The following ABCA6 variants were observed in gnomAD, a reference collection of about 807,000 sequenced individuals.
ABCA6 encodes the protein ATP-binding cassette sub-family A member 6.
In ABCA6, 164 loss-of-function variants were observed where a neutral mutation model predicts 191.2. The ratio of observed to expected loss-of-function variants is 0.86; its 90% CI spans 0.76 to 0.98. The LOEUF (loss-of-function observed/expected upper bound fraction) is 0.98, where lower values mean the gene tolerates loss of function less well. Ranked by LOEUF, ABCA6 falls within the 50% of genes least tolerant of loss-of-function variation. ABCA6 has a pLI of 0.00. For synonymous variants in ABCA6, 636 were observed against 647.7 expected (o/e 0.98, Z 0.27); for missense variants, 1,958 against 1,894.1 (o/e 1.03, Z -0.63).
Position 69,079,074 on chromosome 17 carries a change from C to T in ABCA6, c.4753G>A (p.Val1585Ile), listed in dbSNP as rs368862101. The change falls in exon 39 of 39, where the codon GTA becomes ATA. Residue 1585 changes from valine to isoleucine, a missense_variant and splice_region_variant. Physicochemically the swap from Val to Ile is conservative, Grantham distance 29. Transcript: ENST00000284425. ...YSLSQCTLEKVFLELSKEQEV... is the reference protein window; with the variant it reads ...YSLSQCTLEKIFLELSKEQEV... ...TGTTCTTTAGAAAGCTCTAAGAATA[C>T]CTAATTAGGAGACAAAGAAGAAGGA... 1.3e-6 allele frequency: 2 copies of T among 1,595,544 alleles called. No individual in the cohort carries two copies. The highest frequency in any genetic ancestry group is 1.7e-4 in the Middle Eastern group (1 of 5,992).
intron 9 of ABCA6, among the ~76,000 whole-genome samples, chr17:69,124,606 C>A (rs2073714035): frequency 6.6e-6 from 1 of 151,668 alleles, no homozygotes; most frequent in South Asian, 2.1e-4. Context: ...TTTCAGGGAT[C>A]CATGAAAACC....
In ABCA6 at chr17:69,106,173, G is replaced by A. The variant is rs2073299375; in HGVS notation, c.2428C>T (p.Leu810Phe). The A allele has an allele frequency of 1.2e-6, 2 of 1,613,376 alleles. No homozygotes were observed. Among genetic ancestry groups the A allele is most frequent in the East Asian group, 4.5e-5 (2 of 44,856 alleles). Residue 810 changes from leucine to phenylalanine, a missense_variant, in exon 19 of 39, where the codon CTC (leucine) becomes TTC (phenylalanine). By Grantham distance (22) the Leu-to-Phe change is conservative (BLOSUM62 0). Transcript: ENST00000284425. ...QVEMIRDSESLNEMELAHSSF... is the reference protein window; with the variant it reads ...QVEMIRDSESFNEMELAHSSF... ...GAGTGAGCCAGCTCCATTTCATTGA[G>A]GCTTTCTGAGTCTCTTATCATCTCC... is the stretch of plus-strand genomic sequence containing the variant.
intron 26 of ABCA6, among the ~76,000 whole-genome samples, chr17:69,090,911 T>G (rs1045615927): frequency 3.3e-5 from 5 of 152,234 alleles, no homozygotes; most frequent in African/African-American, 1.2e-4. Context: ...TTGCATCTGA[T>G]AAAATTCACT....
chr17:69,136,662 A>T (rs1323178088), intron 3 of ABCA6, among the ~76,000 whole-genome samples: 1 of 152,234 alleles, frequency 6.6e-6, no homozygotes, highest in Non-Finnish European at 1.5e-5. Flanking sequence ...AAGATTTTTT[A>T]AAAGTGACTC....
In ABCA6 at chr17:69,137,165, T is replaced by C. The variant is rs1374468363; in HGVS notation, c.301+131A>G. 7.0e-6 allele frequency: 6 copies of C among 862,472 alleles called. No individual in the cohort carries two copies. The East Asian group carries it at 1.5e-4, about 22-fold the overall frequency. 53.4% of individuals were successfully genotyped at this position (862,472 alleles called of 1,614,324 possible). A position where few individuals can be genotyped will look rare whatever the true frequency, so the allele number is the denominator to read the frequency against. On this transcript the variant is annotated intron_variant, in intron 3 of 38. Transcript: ENST00000284425. ...GAGAGAAAGCAATAATCTAACCAGA[T>C]TTGTATGCTATTTTAGTACTTAAGT...
chr17:69,083,428 G>A (rs1173662317), intron 34 of ABCA6, 97 bp from the exon 35 acceptor site: 4 of 1,274,278 alleles, frequency 3.1e-6, no homozygotes, highest in Admixed American at 3.1e-5. Context: ...AGATCCTAAT[G>A]CAAAAAAATA....
chr17:69,129,444 C>T (rs1329964180), intron 7 of ABCA6, among the ~76,000 whole-genome samples, 166 bp downstream of exon 7: 2 of 152,054 alleles, frequency 1.3e-5, no homozygotes, highest in Non-Finnish European at 2.9e-5. Flanking sequence ...GATTACATAA[C>T]TTTTTCACTC....
chr17:69,116,246 T>C (rs2073536966), intron 11 of ABCA6, among the ~76,000 whole-genome samples: 1 of 152,102 alleles, frequency 6.6e-6, no homozygotes, highest in Non-Finnish European at 1.5e-5. Flanking sequence ...AATAGAAGCC[T>C]CAGTTTCGTC....
At position 69,135,882 on chromosome 17, in the gene ABCA6, G is replaced by A. The variant is rs1208364920; in HGVS notation, c.460+210C>T. On this transcript the variant is annotated intron_variant, in intron 4 of 38. Coordinates refer to ENST00000284425, the MANE Select transcript of ABCA6 (RefSeq NM_080284.3). ...TGTCCTTTGACACATGCATCTGCAT[G>A]CTCAACACATATATGTTGGATGACT... 3.6e-5 allele frequency: 20 copies of A among 550,920 alleles called. No homozygotes were observed. The Middle Eastern group carries it at 8.0e-4, about 22-fold the overall frequency. The allele number at this position is 550,920 out of a possible 1,614,324, so 34.1% of individuals were successfully genotyped here.
At chr17:69,128,233 C>T (rs1221033543) in intron 8 of ABCA6, among the ~76,000 whole-genome samples, 1 of 151,786 alleles carries the variant, frequency 6.6e-6, no homozygotes. Context: ...TTAAACTATA[C>T]TTGTGTTTGG....
At chr17:69,085,219 C>T in intron 31 of ABCA6, 37 bp from the exon 32 acceptor site, 3 of 1,568,352 alleles carry the variant, frequency 1.9e-6, no homozygotes, top group Non-Finnish European at 2.6e-6. Context: ...GGCATGCAGC[C>T]TTTATTCCAA....
In ABCA6 at chr17:69,080,956, T is replaced by C. The variant is rs1022200309; in HGVS notation, c.4696+110A>G. ...CTACAGTTAGAATTCTTAAAAATCA[T>C]GCCCTACAGCCCTATTTTAAAAAAT... is the stretch of plus-strand genomic sequence containing the variant. On this transcript the variant is annotated intron_variant, in intron 37 of 38. Coordinates refer to ENST00000284425, the MANE Select transcript of ABCA6 (RefSeq NM_080284.3). 5 of 593,180 alleles carry C rather than the reference T, an allele frequency of 8.4e-6. No individual in the cohort carries two copies. The South Asian group carries it at 1.5e-4, about 18-fold the overall frequency. 36.7% of individuals were successfully genotyped at this position (593,180 alleles called of 1,614,324 possible). A position where few individuals can be genotyped will look rare whatever the true frequency, so the allele number is the denominator to read the frequency against.
Position 69,140,727 on chromosome 17 carries a change from A to G in ABCA6, c.-24T>C. The G allele has an allele frequency of 6.7e-7, 1 of 1,491,462 alleles. No individual in the cohort carries two copies. Among genetic ancestry groups the G allele is most frequent in the Admixed American group, 2.0e-5 (1 of 48,798 alleles). 92.4% of individuals were successfully genotyped at this position (1,491,462 alleles called of 1,614,324 possible). A position where few individuals can be genotyped will look rare whatever the true frequency, so the allele number is the denominator to read the frequency against. On this transcript the variant is annotated 5_prime_UTR_variant, in exon 2 of 39. Transcript: ENST00000284425. ...ATTTAGCCTATTCGCTGAAGGAGAA[A>G]GTAATCATGGTGGAACACAACCTAG...
rs879354291 is a variant in ABCA6, at chr17:69,139,148, G to A, written c.96+1460C>T. Among the ~76,000 whole-genome samples the A allele has an allele frequency of 7.2e-3, 1,096 of 151,960 alleles. 12 individuals carry two copies. The highest frequency in any genetic ancestry group is 7.7e-3 in the Non-Finnish European group (520 of 67,936). On this transcript the variant is annotated intron_variant, in intron 2 of 38. Coordinates refer to ENST00000284425, the MANE Select transcript of ABCA6 (RefSeq NM_080284.3). Reference sequence around the variant, plus strand: ...GCACAGCAAAAGAAACTACCATCAGGGTGAACAGGCAACCTACAAAACGGG... The same window carrying A: ...GCACAGCAAAAGAAACTACCATCAGAGTGAACAGGCAACCTACAAAACGGG...
chr17:69,091,971 A>G (rs2072934228), intron 25 of ABCA6, among the ~76,000 whole-genome samples: 1 of 152,154 alleles, frequency 6.6e-6, no homozygotes, highest in Non-Finnish European at 1.5e-5. Context: ...AAAAAACCAA[A>G]CAATCCATAC....
intron 25 of ABCA6, among the ~76,000 whole-genome samples, chr17:69,093,371 T>C (rs1030207972): frequency 7.9e-5 from 12 of 152,332 alleles, no homozygotes; most frequent in African/African-American, 2.9e-4. Context: ...CCAAGAAACA[T>C]TAACCATATC....
In ABCA6 at chr17:69,078,905, A is replaced by C; in HGVS notation, c.*68T>G. On this transcript the variant is annotated 3_prime_UTR_variant, in exon 39 of 39. Coordinates refer to ENST00000284425, the MANE Select transcript of ABCA6 (RefSeq NM_080284.3). ...TTTTAAATGATCTTTAAAATTAAAC[A>C]TACTATTAATTATTACATAAAACAT... The C allele has an allele frequency of 1.2e-6, 1 of 848,328 alleles. No homozygotes were observed. 52.6% of individuals were successfully genotyped at this position (848,328 alleles called of 1,614,324 possible).
intron 36 of ABCA6, among the ~76,000 whole-genome samples, chr17:69,081,911 T>C (rs2072644953): frequency 6.6e-6 from 1 of 152,188 alleles, no homozygotes; most frequent in African/African-American, 2.4e-5. Flanking sequence ...GGAAGAGACG[T>C]AATTGATTTG....
intron 5 of ABCA6, 42 bp downstream of exon 5, chr17:69,134,597 T>C (rs772521848): frequency 7.1e-7 from 1 of 1,415,894 alleles, no homozygotes; most frequent in Non-Finnish European, 9.9e-7. Context: ...TCTCTGGAAG[T>C]AGCTGACATT....
Sources: gnomAD v4.1 joint callset for allele counts (sites outside exome capture counted in the v4.1 genomes callset) on GRCh38, gnomAD v4.1.1 for gene constraint, MANE v1.5 for transcripts, NCBI Gene and HGNC (gene_info 2026-07-23, HGNC 2026-07-21) for gene names.